OSBPL3: variants seen among roughly 807,000 people sequenced by gnomAD.
OSBPL3 encodes oxysterol-binding protein-related protein 3.
A neutral mutation model predicts 120.1 loss-of-function variants in OSBPL3; 65 were observed. That is an observed-to-expected ratio of 0.54 (90% CI 0.44 to 0.67). The LOEUF (loss-of-function observed/expected upper bound fraction) is 0.67, where lower values mean the gene tolerates loss of function less well. Among genes scored for constraint, OSBPL3 ranks in the 30% least tolerant of loss-of-function variants. The pLI is 0.00. For missense variants in OSBPL3, 1,004 were observed against 1,082.1 expected (o/e 0.93, Z 1.01); for synonymous variants, 416 against 402.6 (o/e 1.03, Z -0.40).
rs1022764255 is a variant in OSBPL3 at position 24,805,666 on chromosome 7, T to C, written c.2444+1110A>G. ...GCAAGATAGCTTGAAGCATTCTATG[T>C]ATGGCTTTCTTTAAAATAAATTAGG... On this transcript the variant is annotated intron_variant, in intron 21 of 22. Transcript: ENST00000313367. This position sits in a 1 kb window ranked among gnomAD's most constrained non-coding sequence, Gnocchi z 4.0. 5.3e-5 allele frequency among the ~76,000 whole-genome samples: 8 copies of C among 152,248 alleles called. No individual in the cohort carries two copies. The highest frequency in any genetic ancestry group is 1.9e-4 in the African/African-American group (8 of 41,462).
At chr7:24,924,634 T>TA (rs892429133) in intron 1 of OSBPL3, among the ~76,000 whole-genome samples, 3 of 152,364 alleles carry the variant, frequency 2.0e-5, no homozygotes, top group Middle Eastern at 3.4e-3. Flanking sequence ...TGGCTGCTGA[T>TA]ACTCTGATGG....
In OSBPL3 at chr7:24,831,272, G is replaced by A. The variant is rs147297247; in HGVS notation, c.1747-367C>T. On this transcript the variant is annotated intron_variant, in intron 15 of 22. Transcript: ENST00000313367. The surrounding 1 kb of genome is among the most constrained non-coding windows in gnomAD (Gnocchi z 4.0). ...CTAATATGGTGCTAAGCCTTCAGGG[G>A]TGGAGTGGGGAAAGAGTATTAAAAA... Among the ~76,000 whole-genome samples, 205 of 152,254 alleles carry A rather than the reference G, an allele frequency of 1.3e-3. No individual in the cohort carries two copies. The highest frequency in any genetic ancestry group is 4.7e-3 in the African/African-American group (194 of 41,550).
intron 10 of OSBPL3, among the ~76,000 whole-genome samples, chr7:24,857,454 G>T (rs543690467): frequency 6.6e-6 from 1 of 152,284 alleles, no homozygotes; most frequent in South Asian, 2.1e-4. Context: ...GTAACAATAA[G>T]CAATAGTAGG....
intron 16 of OSBPL3, among the ~76,000 whole-genome samples, chr7:24,826,333 A>G (rs1001947847): frequency 1.3e-5 from 2 of 152,196 alleles, no homozygotes; most frequent in African/African-American, 4.8e-5. Context: ...TAGGACAGGA[A>G]TGTCTATGAC....
chr7:24,966,201 C>T lies in OSBPL3; in HGVS notation c.-150+13685G>A, dbSNP rs947543338. Among the ~76,000 whole-genome samples the T allele has an allele frequency of 1.2e-4, 18 of 152,190 alleles. No individual in the cohort carries two copies. Among genetic ancestry groups the T allele is most frequent in the African/African-American group, 4.1e-4 (17 of 41,446 alleles). ...CCCCAGACTGGGAAGTTCTTAGCCG[C>T]GAAGAGAAATCCAGCACCTGCGGAG... On this transcript the variant is annotated intron_variant, in intron 1 of 22. Coordinates refer to ENST00000313367, the MANE Select transcript of OSBPL3 (RefSeq NM_015550.4). This position sits in a 1 kb window ranked among gnomAD's most constrained non-coding sequence, Gnocchi z 4.8.
chr7:24,845,461 ATGTGTGTGTG>A (rs138960641), intron 12 of OSBPL3, among the ~76,000 whole-genome samples: 1 of 137,040 alleles, frequency 7.3e-6, no homozygotes, highest in Non-Finnish European at 1.6e-5. Context: ...GTGTGTGTGT[ATGTGTGTGTG>A]TGTGAATTAT....
At chr7:24,921,601 T>G (rs1465260072) in intron 1 of OSBPL3, among the ~76,000 whole-genome samples, 2 of 151,986 alleles carry the variant, frequency 1.3e-5, no homozygotes, top group Non-Finnish European at 2.9e-5. Context: ...CAGCAGGAAG[T>G]AGAAACAGTG....
rs1562831271 is a variant in OSBPL3 at position 24,854,525 on chromosome 7, CA to C, written c.1028-1892del. On this transcript the variant is annotated intron_variant, in intron 10 of 22. Coordinates refer to ENST00000313367, the MANE Select transcript of OSBPL3 (RefSeq NM_015550.4). The surrounding 1 kb of genome is among the most constrained non-coding windows in gnomAD (Gnocchi z 4.1). Reference sequence around the variant, plus strand: ...ACGCACACACACACACACACACACACACACACACACACAAACACACACAATG... The same window carrying C: ...ACGCACACACACACACACACACACACCACACACACACAAACACACACAATG... Among the ~76,000 whole-genome samples the C allele has an allele frequency of 2.0e-5, 3 of 149,458 alleles. No individual in the cohort carries two copies. Among genetic ancestry groups the C allele is most frequent in the African/African-American group, 5.0e-5 (2 of 40,176 alleles).
At chr7:24,888,744 G>T (rs767832910) in intron 2 of OSBPL3, among the ~76,000 whole-genome samples, 1 of 152,148 alleles carries the variant, frequency 6.6e-6, no homozygotes, top group Admixed American at 6.5e-5. Context: ...AGCTCCTTGA[G>T]ATTTTATATG....
At position 24,933,941 on chromosome 7, in the gene OSBPL3, A is replaced by G. The variant is rs1812087321; in HGVS notation, c.-149-41320T>C. Among the ~76,000 whole-genome samples, 1 of 152,222 alleles carries G rather than the reference A, an allele frequency of 6.6e-6. No homozygotes were observed. Among genetic ancestry groups the G allele is most frequent in the African/African-American group, 2.4e-5 (1 of 41,470 alleles). On this transcript the variant is annotated intron_variant, in intron 1 of 22. Coordinates refer to ENST00000313367, the MANE Select transcript of OSBPL3 (RefSeq NM_015550.4). This position sits in a 1 kb window ranked among gnomAD's most constrained non-coding sequence, Gnocchi z 5.1. ...CATTAAATCAGTTTAGTCTATAAAT[A>G]CCTTTATAGATGACATTAGAAAAGC...
chr7:24,945,682 T>C (rs1002569587), intron 1 of OSBPL3, among the ~76,000 whole-genome samples: 8 of 152,160 alleles, frequency 5.3e-5, no homozygotes, highest in Admixed American at 1.3e-4. Flanking sequence ...AGCTAAGCAG[T>C]CTAGAGTCCC....
rs1792824577 is a variant in OSBPL3 at position 24,804,795 on chromosome 7, A to G, written c.2445-358T>C. Among the ~76,000 whole-genome samples, 1 of 152,192 alleles carries G rather than the reference A, an allele frequency of 6.6e-6. No individual in the cohort carries two copies. The highest frequency in any genetic ancestry group is 2.4e-5 in the African/African-American group (1 of 41,444). On this transcript the variant is annotated intron_variant, in intron 21 of 22. Transcript: ENST00000313367. The surrounding 1 kb of genome is among the most constrained non-coding windows in gnomAD (Gnocchi z 5.4). ...CATGTGTATATAAACAAATATTAAC[A>G]CATATTCTTATCCCTCCCTCCGTTT...
chr7:24,804,192 G>A lies in OSBPL3; in HGVS notation c.2567+123C>T. 1.7e-6 allele frequency: 2 copies of A among 1,169,990 alleles called. No individual in the cohort carries two copies. Among genetic ancestry groups the A allele is most frequent in the South Asian group, 1.4e-5 (1 of 71,432 alleles). 72.5% of individuals were successfully genotyped at this position (1,169,990 alleles called of 1,614,324 possible). A position where few individuals can be genotyped will look rare whatever the true frequency, so the allele number is the denominator to read the frequency against. On this transcript the variant is annotated intron_variant, in intron 22 of 22. Transcript: ENST00000313367. The surrounding 1 kb of genome is among the most constrained non-coding windows in gnomAD (Gnocchi z 5.4). ...CACAGAGGAGCAGTACCCCCACGTG[G>A]AAGCAGGAAAAGCCTGGAGAATGCT...
rs929806774 is a variant in OSBPL3 at position 24,939,630 on chromosome 7, T to C, written c.-150+40256A>G. On this transcript the variant is annotated intron_variant, in intron 1 of 22. Coordinates refer to ENST00000313367, the MANE Select transcript of OSBPL3 (RefSeq NM_015550.4). This position sits in a 1 kb window ranked among gnomAD's most constrained non-coding sequence, Gnocchi z 4.2. ...AGCAACTCTGGAACTTCCCTAATTTTAGACTTTTTAAATGTAGTTTCTTCT... is the reference window on the plus strand; with the variant it reads ...AGCAACTCTGGAACTTCCCTAATTTCAGACTTTTTAAATGTAGTTTCTTCT... Among the ~76,000 whole-genome samples the C allele has an allele frequency of 2.6e-5, 4 of 152,218 alleles. No individual in the cohort carries two copies. The highest frequency in any genetic ancestry group is 5.9e-5 in the Non-Finnish European group (4 of 68,040).
intron 1 of OSBPL3, among the ~76,000 whole-genome samples, chr7:24,921,450 C>A (rs1442655223): frequency 6.6e-6 from 1 of 152,202 alleles, no homozygotes; most frequent in African/African-American, 2.4e-5. Context: ...TTTGACACTA[C>A]TCAAAACACA....
Position 24,940,682 on chromosome 7 carries a change from G to C in OSBPL3, c.-150+39204C>G, listed in dbSNP as rs560207878. Among the ~76,000 whole-genome samples the C allele has an allele frequency of 6.6e-6, 1 of 152,238 alleles. No individual in the cohort carries two copies. The highest frequency in any genetic ancestry group is 2.4e-5 in the African/African-American group (1 of 41,546). Reference sequence around the variant, plus strand: ...AAGGAGATGAGGAACGGTGAATGAAGATGTCAGGTAAGTCCTCAATATAAG... The same window carrying C: ...AAGGAGATGAGGAACGGTGAATGAACATGTCAGGTAAGTCCTCAATATAAG... On this transcript the variant is annotated intron_variant, in intron 1 of 22. Coordinates refer to ENST00000313367, the MANE Select transcript of OSBPL3 (RefSeq NM_015550.4). The surrounding 1 kb of genome is among the most constrained non-coding windows in gnomAD (Gnocchi z 4.4).
rs1554407994 is a variant in OSBPL3, at chr7:24,928,194, G to GA, written c.-149-35574_-149-35573insT. On this transcript the variant is annotated intron_variant, in intron 1 of 22. Coordinates refer to ENST00000313367, the MANE Select transcript of OSBPL3 (RefSeq NM_015550.4). ...GTGAGCCAATTAAACCTTCCTTTTT[G>GA]TTTTTTTTTTTTTTTGAGATGGAGT... 2.9e-5 allele frequency among the ~76,000 whole-genome samples: 4 copies of GA among 135,650 alleles called. No individual in the cohort carries two copies. The Admixed American group carries it at 3.0e-4, about 10-fold the overall frequency. 89.0% of individuals were successfully genotyped at this position (135,650 alleles called of 152,430 possible).
At chr7:24,910,755 A>G (rs1466674619) in intron 1 of OSBPL3, among the ~76,000 whole-genome samples, 6 of 152,194 alleles carry the variant, frequency 3.9e-5, no homozygotes, top group African/African-American at 1.4e-4. Flanking sequence ...GTTGTGAGAA[A>G]AAGCTTAGGA....
intron 14 of OSBPL3, among the ~76,000 whole-genome samples, chr7:24,838,993 C>T (rs1541363): frequency 0.16 from 23,700 of 152,126 alleles, 2,767 homozygotes; most frequent in East Asian, 0.64. Flanking sequence ...AGGTGTGATA[C>T]TGAAAGGATA....
Sources: allele counts gnomAD v4.1 joint callset (sites outside exome capture counted in the v4.1 genomes callset), GRCh38; gene constraint gnomAD v4.1.1; non-coding constraint Gnocchi (gnomAD v3.1); transcripts MANE v1.5; gene names NCBI Gene and HGNC (gene_info 2026-07-23, HGNC 2026-07-21).